Variants in MEGF6 observed in about 807,000 individuals in gnomAD.
The protein encoded by MEGF6 is multiple EGF like domains 6.
MEGF6 carries 184 observed loss-of-function variants against 207.1 expected under a neutral mutation model. That is an observed-to-expected ratio of 0.89 (90% confidence interval 0.79 to 1.00). MEGF6 has a LOEUF of 1.00. MEGF6 is among the 50% of genes least tolerant of loss of function. The pLI, the probability that MEGF6 is intolerant of heterozygous loss-of-function variation, is 0.00. For synonymous variants in MEGF6, 1,038 were observed against 910.0 expected (o/e 1.14, Z -2.53); for missense variants, 2,282 against 2,202.9 (o/e 1.04, Z -0.72).
intron 1 of MEGF6, among the ~76,000 whole-genome samples, chr1:3,605,398 TA>T (rs1462238605): frequency 6.6e-6 from 1 of 151,184 alleles, no homozygotes; most frequent in African/African-American, 2.4e-5. Flanking sequence ...TACCCACAAT[TA>T]CATACACACA....
rs1570136722 is a variant in MEGF6, at chr1:3,559,796, G to T, written c.481+20029C>A. Among the ~76,000 whole-genome samples the T allele has an allele frequency of 9.2e-5, 14 of 152,226 alleles. No homozygotes were observed. The South Asian group carries it at 2.9e-3, about 32-fold the overall frequency. On this transcript the variant is annotated intron_variant, in intron 4 of 36. Coordinates refer to ENST00000356575, the MANE Select transcript of MEGF6 (RefSeq NM_001409.4). The stretch of plus-strand genomic sequence containing the variant: ...GGAGGCCGAGGCGGGCAAATCACGA[G>T]GTCAGGAGTTCAAGACCAGCCTGGC...
intron 23 of MEGF6, 46 bp downstream of exon 23, chr1:3,499,542 G>A: frequency 6.5e-7 from 1 of 1,547,610 alleles, no homozygotes; most frequent in South Asian, 1.2e-5. Flanking sequence ...GGAGGACCTG[G>A]CACCCCCTCC....
chr1:3,582,735 A>G lies in MEGF6; in HGVS notation c.377-2806T>C, dbSNP rs976218860. Among the ~76,000 whole-genome samples, 8 of 152,170 alleles carry G rather than the reference A, an allele frequency of 5.3e-5. 1 individual carries two copies. The South Asian group carries it at 1.7e-3, about 32-fold the overall frequency. ...AGCTCTCCCTGCTTGGGGGCCTCCC[A>G]TGAGAAAGCTGCTCTCCGTGTGGAC... On this transcript the variant is annotated intron_variant, in intron 3 of 36. Coordinates refer to ENST00000356575, the MANE Select transcript of MEGF6 (RefSeq NM_001409.4).
intron 4 of MEGF6, among the ~76,000 whole-genome samples, chr1:3,575,628 T>G (rs1472474048): frequency 2.5e-5 from 2 of 80,736 alleles, no homozygotes; most frequent in African/African-American, 8.4e-5. Context: ...GAGGAGCAAG[T>G]CACATCTTAC....
rs1287850554 is a variant in MEGF6, at chr1:3,501,928, G to A, written c.2189-7C>T. 2 of 1,591,512 alleles carry A rather than the reference G, an allele frequency of 1.3e-6. No individual in the cohort carries two copies. The highest frequency in any genetic ancestry group is 3.5e-5 in the Admixed American group (2 of 57,782). ...AACGTCCCCACCGGGCACTCTGCAG[G>A]AGAAAGCACGAGGGGCCTTAGCCGC... On this transcript the variant is annotated splice_polypyrimidine_tract_variant and splice_region_variant and intron_variant, in intron 17 of 36. Transcript: ENST00000356575.
In MEGF6 at chr1:3,501,002, A is replaced by G; in HGVS notation, c.2539T>C (p.Cys847Arg). The G allele has an allele frequency of 6.2e-7, 1 of 1,612,382 alleles. No homozygotes were observed. The highest frequency in any genetic ancestry group is 1.7e-5 in the Admixed American group (1 of 60,002). Residue 847 changes from cysteine to arginine, a missense_variant, in exon 20 of 37, where the codon TGT becomes CGT. Cys to Arg is a radical substitution (Grantham distance 180, BLOSUM62 -3). Coordinates refer to ENST00000356575, the MANE Select transcript of MEGF6 (RefSeq NM_001409.4). ...HCHPATGHCSCAPGWTGFSCQ... is the reference protein window; with the variant it reads ...HCHPATGHCSRAPGWTGFSCQ... ...CTAAAGCCGGTCCACCCGGGGGCAC[A>G]GCTGCAGTGTCCGGTGGCTGGGTGG... is the stretch of plus-strand genomic sequence containing the variant.
chr1:3,563,598 C>T (rs77039417), intron 4 of MEGF6, among the ~76,000 whole-genome samples: 4,947 of 152,286 alleles, frequency 0.032, 183 homozygotes, highest in East Asian at 0.18. Context: ...ACTTTGCTGA[C>T]GGACATGGAG....
At chr1:3,540,848 T>C (rs542770070) in intron 4 of MEGF6, among the ~76,000 whole-genome samples, 1 of 152,110 alleles carries the variant, frequency 6.6e-6, no homozygotes, top group East Asian at 1.9e-4. Context: ...CACTGGGGAG[T>C]CCACTCGAAC....
chr1:3,540,616 C>T (rs1167545030), intron 4 of MEGF6, among the ~76,000 whole-genome samples: 1 of 152,232 alleles, frequency 6.6e-6, no homozygotes, highest in Non-Finnish European at 1.5e-5. Flanking sequence ...AATTTACAAA[C>T]CCCTGGATGT....
At chr1:3,575,328 A>G (rs942800058) in intron 4 of MEGF6, among the ~76,000 whole-genome samples, 2 of 152,084 alleles carry the variant, frequency 1.3e-5, no homozygotes, top group Non-Finnish European at 2.9e-5. Context: ...TGGGACCCCA[A>G]AGTCCTCCCA....
chr1:3,509,933 C>T lies in MEGF6; in HGVS notation c.1294G>A (p.Gly432Ser), dbSNP rs1002472915. 9 of 1,575,500 alleles carry T rather than the reference C, an allele frequency of 5.7e-6. No homozygotes were observed. The highest frequency in any genetic ancestry group is 1.8e-5 in the Admixed American group (1 of 54,426). ...GCEHHCTNLA[G>S]SFQCSCEAGY... The stretch of plus-strand genomic sequence containing the variant: ...GCCTCGCAGGAGCACTGGAAGGAGC[C>T]GGCCAGGTTGGTGCAGTGGTGCTCG... The change falls in exon 11 of 37, where the codon GGC becomes AGC. Residue 432 changes from glycine (G) to serine (S), a missense_variant. Coordinates refer to ENST00000356575, the MANE Select transcript of MEGF6 (RefSeq NM_001409.4).
intron 4 of MEGF6, among the ~76,000 whole-genome samples, chr1:3,524,489 G>A (rs970823268): frequency 7.2e-5 from 11 of 152,220 alleles, no homozygotes; most frequent in African/African-American, 2.7e-4. Context: ...AAGGTGGGGA[G>A]TAGCAGAGGG....
rs1343009518 is a variant in MEGF6 at position 3,496,709 on chromosome 1, C to G, written c.3688G>C (p.Ala1230Pro). Residue 1230 changes from alanine (A) to proline (P), a missense_variant, in exon 29 of 37, where the codon GCC (alanine) becomes CCC (proline). Ala to Pro is a conservative substitution (Grantham distance 27, BLOSUM62 -1). Transcript: ENST00000356575. ...GTGGGGCAGCGGCAGGCCCCCGTGGCCGCATCACAGGAGCCCCCGTTGAGA... is the reference window on the plus strand; with the variant it reads ...GTGGGGCAGCGGCAGGCCCCCGTGGGCGCATCACAGGAGCCCCCGTTGAGA... ...GCLNGGSCDA[A>P]TGACRCPTGF... is the part of the protein sequence containing the mutation. 1 of 1,560,438 alleles carries G rather than the reference C, an allele frequency of 6.4e-7. No homozygotes were observed. The highest frequency in any genetic ancestry group is 1.9e-5 in the Admixed American group (1 of 52,438).
intron 4 of MEGF6, among the ~76,000 whole-genome samples, chr1:3,541,252 T>A (rs1212999738): frequency 6.6e-6 from 1 of 152,200 alleles, no homozygotes. Flanking sequence ...CCGCCCAGGC[T>A]TGGCATGGAG....
chr1:3,569,083 C>T (rs1456261607), intron 4 of MEGF6, among the ~76,000 whole-genome samples: 1 of 152,204 alleles, frequency 6.6e-6, no homozygotes, highest in East Asian at 1.9e-4. Flanking sequence ...CCCAGACACT[C>T]CCAGAGGGAG....
intron 21 of MEGF6, among the ~76,000 whole-genome samples, chr1:3,500,391 T>C (rs917028599): frequency 6.6e-6 from 1 of 152,146 alleles, no homozygotes; most frequent in African/African-American, 2.4e-5. Flanking sequence ...AGCAGAGCAG[T>C]GGGGGCTGGG....
At chr1:3,584,664 A>T in intron 3 of MEGF6, among the ~76,000 whole-genome samples, 1 of 152,188 alleles carries the variant, frequency 6.6e-6, no homozygotes, top group Non-Finnish European at 1.5e-5. Flanking sequence ...CTCACCATGC[A>T]CCAGCAGAAA....
Position 3,500,626 on chromosome 1 carries a change from G to A in MEGF6, c.2707+7C>T, listed in dbSNP as rs886962120. The stretch of plus-strand genomic sequence containing the variant: ...GGGTGGCAGCCAAAGGCAGGGCCGG[G>A]ACTCACGCTGCTCGCACCGCGGGCC... On this transcript the variant is annotated splice_region_variant and intron_variant, in intron 21 of 36. Coordinates refer to ENST00000356575, the MANE Select transcript of MEGF6 (RefSeq NM_001409.4). 6.4e-7 allele frequency: 1 copy of A among 1,552,322 alleles called. No homozygotes were observed.
intron 4 of MEGF6, among the ~76,000 whole-genome samples, chr1:3,571,410 C>T (rs147205348): frequency 1.3e-5 from 2 of 152,126 alleles, no homozygotes; most frequent in Admixed American, 6.5e-5. Flanking sequence ...GCCCCAAAGG[C>T]CAGAGAGCAA....
Sources: gnomAD v4.1 joint callset for allele counts (sites outside exome capture counted in the v4.1 genomes callset) on GRCh38, gnomAD v4.1.1 for gene constraint, MANE v1.5 for transcripts, NCBI Gene and HGNC (gene_info 2026-07-23, HGNC 2026-07-21) for gene names.